CDYL2: variants seen among roughly 807,000 people sequenced by gnomAD.
The protein encoded by CDYL2 is chromodomain Y-like protein 2.
Under a neutral mutation model 49.4 loss-of-function variants are expected in CDYL2, and 23 were observed. That is an observed-to-expected ratio of 0.47 (90% CI 0.34 to 0.66). CDYL2 has a LOEUF of 0.66. Among genes scored for constraint, CDYL2 ranks in the 30% least tolerant of loss-of-function variants. The probability of loss-of-function intolerance (pLI) is 0.01; values close to 1 mark genes in which losing one functional copy is unlikely to be tolerated. For missense variants in CDYL2, 678 were observed against 656.4 expected, an observed-to-expected ratio of 1.03 and a Z score of -0.36; for synonymous variants, 360 against 268.8, an observed-to-expected ratio of 1.34 and a Z score of -3.32.
intron 1 of CDYL2, among the ~76,000 whole-genome samples, chr16:80,764,834 G>A (rs1301797174): frequency 6.6e-6 from 1 of 151,986 alleles, no homozygotes; most frequent in South Asian, 2.1e-4. Flanking sequence ...GCCGAGGCAG[G>A]TGGATCACGA....
At chr16:80,707,402 A>G (rs79329998) in intron 1 of CDYL2, among the ~76,000 whole-genome samples, 301 of 152,324 alleles carry the variant, frequency 2.0e-3, no homozygotes, top group African/African-American at 7.0e-3. Flanking sequence ...TCAAAGCTGC[A>G]GTAAGCTACG....
intron 2 of CDYL2, among the ~76,000 whole-genome samples, chr16:80,646,886 T>C (rs1035253642): frequency 3.5e-5 from 4 of 115,468 alleles, no homozygotes; most frequent in Non-Finnish European, 5.0e-5. Context: ...TAAAGACAAA[T>C]AGACTGAAAA....
chr16:80,604,322 C>A lies in CDYL2; in HGVS notation c.*66G>T. The A allele has an allele frequency of 6.4e-7, 1 of 1,571,334 alleles. No individual in the cohort carries two copies. Among genetic ancestry groups the A allele is most frequent in the South Asian group, 1.1e-5 (1 of 89,904 alleles). On this transcript the variant is annotated 3_prime_UTR_variant, in exon 7 of 7. Transcript: ENST00000570137. ...TGACAAACTCCTTGGCCGGGGCAGA[C>A]ACTGTGCTCTGGTTTCCGAAACACA...
At chr16:80,621,619 T>C (rs1907087949) in intron 3 of CDYL2, among the ~76,000 whole-genome samples, 2 of 152,386 alleles carry the variant, frequency 1.3e-5, no homozygotes, top group East Asian at 1.9e-4. Context: ...GGAAAGGTTA[T>C]GCTATGGCCA....
intron 3 of CDYL2, among the ~76,000 whole-genome samples, chr16:80,632,451 C>T (rs996786921): frequency 7.2e-5 from 11 of 152,144 alleles, no homozygotes; most frequent in African/African-American, 2.7e-4. Context: ...GGTGAGGTTT[C>T]TCCTTGGGGT....
chr16:80,757,935 T>G (rs956783475), intron 1 of CDYL2, among the ~76,000 whole-genome samples: 1 of 152,130 alleles, frequency 6.6e-6, no homozygotes, highest in African/African-American at 2.4e-5. Flanking sequence ...CTCCATAAAT[T>G]CATATGTAAG....
intron 1 of CDYL2, among the ~76,000 whole-genome samples, chr16:80,782,748 C>T (rs1907314023): frequency 6.6e-6 from 1 of 151,742 alleles, no homozygotes; most frequent in South Asian, 2.1e-4. Context: ...AAAAAAAACA[C>T]ACAGTCATCC....
At chr16:80,604,616 CATGGGGCACTGGCCA>C in intron 6 of CDYL2, 70 bp from the exon 7 acceptor site, 2 of 1,556,056 alleles carry the variant, frequency 1.3e-6, no homozygotes, top group Non-Finnish European at 1.8e-6. Context: ...GTACCTGGCC[CATGGGGCACTGGCCA>C]ACCTCCCATA....
intron 1 of CDYL2, among the ~76,000 whole-genome samples, chr16:80,768,431 T>C (rs531624220): frequency 2.0e-5 from 3 of 152,340 alleles, no homozygotes; most frequent in East Asian, 3.9e-4. Flanking sequence ...CTGTGTGATA[T>C]GTAAACAATA....
At chr16:80,700,370 TAA>T (rs1159689983) in intron 1 of CDYL2, among the ~76,000 whole-genome samples, 7 of 152,072 alleles carry the variant, frequency 4.6e-5, no homozygotes, top group Admixed American at 4.6e-4. Flanking sequence ...TTTCCTTTCA[TAA>T]AAGACATCAA....
At chr16:80,684,376 C>T (rs1444626385) in intron 2 of CDYL2, among the ~76,000 whole-genome samples, 162 bp downstream of exon 2, 1 of 152,148 alleles carries the variant, frequency 6.6e-6, no homozygotes, top group Admixed American at 6.5e-5. Context: ...GGGCCTACGA[C>T]CGAGTCCACA....
intron 1 of CDYL2, among the ~76,000 whole-genome samples, chr16:80,774,498 T>C (rs1479437964): frequency 6.6e-6 from 1 of 152,142 alleles, no homozygotes; most frequent in African/African-American, 2.4e-5. Flanking sequence ...CTGTGACCAC[T>C]GTTAATAACA....
intron 1 of CDYL2, among the ~76,000 whole-genome samples, chr16:80,725,695 C>A (rs372027594): frequency 1.3e-5 from 2 of 152,180 alleles, no homozygotes; most frequent in Non-Finnish European, 2.9e-5. Context: ...AACCCTAACC[C>A]GGACTGAACT....
intron 2 of CDYL2, among the ~76,000 whole-genome samples, chr16:80,653,321 C>T (rs566651758): frequency 2.6e-4 from 40 of 152,132 alleles, no homozygotes; most frequent in Non-Finnish European, 5.1e-4. Context: ...CAAAATTAGC[C>T]GGGCATGGTG....
At position 80,685,114 on chromosome 16, in the gene CDYL2, C is replaced by A; in HGVS notation, c.40G>T (p.Asp14Tyr). The A allele has an allele frequency of 6.2e-7, 1 of 1,610,868 alleles. No homozygotes were observed. The highest frequency in any genetic ancestry group is 8.5e-7 in the Non-Finnish European group (1 of 1,178,008). The change falls in exon 2 of 7, where the codon GAC becomes TAC. Residue 14 changes from aspartate to tyrosine, a missense_variant. Asp to Tyr is a radical substitution (Grantham distance 160). Transcript: ENST00000570137. ...TTTCCTTTCTTGTTCTTCCTCTTGT[C>A]TACAATCCTTTCAACCTGCGATACA... is the stretch of plus-strand genomic sequence containing the variant. ...GDLYEVERIVDKRKNKKGKWE... is the reference protein window; with the variant it reads ...GDLYEVERIVYKRKNKKGKWE...
chr16:80,751,551 T>C (rs16953946), intron 1 of CDYL2, among the ~76,000 whole-genome samples: 19,324 of 152,120 alleles, frequency 0.13, 1,491 homozygotes, highest in African/African-American at 0.21. Flanking sequence ...AAACAAGACT[T>C]GAGGATGGAA....
rs568067942 is a variant in CDYL2, at chr16:80,790,263, G to A, written c.24+13887C>T. 5.9e-5 allele frequency among the ~76,000 whole-genome samples: 9 copies of A among 152,200 alleles called. No individual in the cohort carries two copies. In the South Asian group the frequency reaches 1.0e-3, roughly 18 times the overall value. On this transcript the variant is annotated intron_variant, in intron 1 of 6. Coordinates refer to ENST00000570137, the MANE Select transcript of CDYL2 (RefSeq NM_152342.4). ...TTCCCAAAAAGCCAATACCATAGAC[G>A]TGGCTACACAAATGCCAAGGGGGTG...
At chr16:80,642,408 G>T (rs112813493) in intron 2 of CDYL2, among the ~76,000 whole-genome samples, 8,459 of 152,230 alleles carry the variant, frequency 0.056, 289 homozygotes, top group Non-Finnish European at 0.082. Flanking sequence ...CGCCACTGCA[G>T]TCTAGCCTGG....
At chr16:80,675,800 G>A (rs201699396) in intron 2 of CDYL2, among the ~76,000 whole-genome samples, 28 of 151,976 alleles carry the variant, frequency 1.8e-4, no homozygotes, top group Admixed American at 1.2e-3. Context: ...CACTGTACCC[G>A]CTTACTGCTT....
Sources: gnomAD v4.1 joint callset for allele counts (sites outside exome capture counted in the v4.1 genomes callset) on GRCh38, gnomAD v4.1.1 for gene constraint, MANE v1.5 for transcripts, NCBI Gene and HGNC (gene_info 2026-07-23, HGNC 2026-07-21) for gene names.